Variants in PRKCB observed in about 807,000 individuals in gnomAD.
PRKCB encodes the protein protein kinase C beta type.
Under a neutral mutation model 81.5 loss-of-function variants are expected in PRKCB, and 13 were observed. The observed-to-expected ratio is 0.16, with a 90% confidence interval of 0.10 to 0.25. The LOEUF (loss-of-function observed/expected upper bound fraction) is 0.25, where lower values mean the gene tolerates loss of function less well. Among genes scored for constraint, PRKCB ranks in the 10% least tolerant of loss-of-function variants. The pLI, the probability that PRKCB is intolerant of heterozygous loss-of-function variation, is 1.00. For synonymous variants in PRKCB, 335 were observed against 321.4 expected (o/e 1.04, Z -0.45); for missense variants, 509 against 875.7 (o/e 0.58, Z 5.29).
At chr16:23,952,021 T>C (rs1457377569) in intron 2 of PRKCB, among the ~76,000 whole-genome samples, 3 of 152,160 alleles carry the variant, frequency 2.0e-5, no homozygotes, top group African/African-American at 7.2e-5. Context: ...TTCTTCTCTG[T>C]CTCTCTAGGG....
intron 8 of PRKCB, among the ~76,000 whole-genome samples, chr16:24,123,542 A>T (rs1183804198): frequency 6.6e-6 from 1 of 152,130 alleles, no homozygotes; most frequent in African/African-American, 2.4e-5. Flanking sequence ...CAGGTGAGAG[A>T]TGATGGCAGG....
chr16:24,006,055 ACCTCCCTT>A (rs1049641688), intron 3 of PRKCB, among the ~76,000 whole-genome samples: 7 of 151,952 alleles, frequency 4.6e-5, no homozygotes, highest in East Asian at 1.9e-4. Flanking sequence ...TACAGTCTCC[ACCTCCCTT>A]CCTCCCTTCC....
At chr16:24,059,897 A>G (rs2141876596) in intron 5 of PRKCB, among the ~76,000 whole-genome samples, 1 of 152,306 alleles carries the variant, frequency 6.6e-6, no homozygotes, top group Non-Finnish European at 1.5e-5. Context: ...TTTCAGTGGC[A>G]TAGTAGGAGT....
intron 5 of PRKCB, among the ~76,000 whole-genome samples, chr16:24,088,293 C>T (rs891353774): frequency 3.9e-5 from 6 of 152,174 alleles, no homozygotes; most frequent in South Asian, 2.1e-4. Context: ...CACAGCATTC[C>T]GTTGCACAGA....
intron 2 of PRKCB, among the ~76,000 whole-genome samples, chr16:23,905,352 C>T (rs979860476): frequency 6.6e-6 from 1 of 152,330 alleles, no homozygotes; most frequent in Middle Eastern, 3.4e-3. Flanking sequence ...TTACAACACA[C>T]AGTAGCTTGA....
chr16:24,121,359 T>C (rs1038976241), intron 8 of PRKCB, among the ~76,000 whole-genome samples: 1 of 152,194 alleles, frequency 6.6e-6, no homozygotes, highest in Non-Finnish European at 1.5e-5. Context: ...TAGCAGGTAC[T>C]CAACAAGAAT....
intron 9 of PRKCB, among the ~76,000 whole-genome samples, chr16:24,129,924 T>C (rs1390587904): frequency 6.6e-6 from 1 of 152,222 alleles, no homozygotes; most frequent in Non-Finnish European, 1.5e-5. Flanking sequence ...GTTGAAATGA[T>C]TGCATAATGA....
At chr16:24,086,056 C>A (rs1295801536) in intron 5 of PRKCB, among the ~76,000 whole-genome samples, 2 of 152,030 alleles carry the variant, frequency 1.3e-5, no homozygotes, top group Non-Finnish European at 2.9e-5. Flanking sequence ...GTAATCAGAG[C>A]CTATCAGGTG....
At chr16:23,999,291 A>G (rs1234144252) in intron 3 of PRKCB, among the ~76,000 whole-genome samples, 4 of 152,240 alleles carry the variant, frequency 2.6e-5, no homozygotes, top group Non-Finnish European at 5.9e-5. Context: ...ACAAGGCTCC[A>G]TCCACGATAA....
chr16:23,837,444 G>A (rs569130040), intron 2 of PRKCB, 38 bp downstream of exon 2: 2 of 1,593,144 alleles, frequency 1.3e-6, no homozygotes, highest in South Asian at 1.1e-5. Context: ...TTTGTGGGAA[G>A]AGAGGGTGAA....
chr16:24,086,539 C>A (rs1966312813), intron 5 of PRKCB, among the ~76,000 whole-genome samples: 1 of 152,120 alleles, frequency 6.6e-6, no homozygotes. Context: ...TAAGTATCAC[C>A]CTGCGGATCC....
chr16:23,871,456 C>A (rs770059298), intron 2 of PRKCB, among the ~76,000 whole-genome samples: 1 of 152,126 alleles, frequency 6.6e-6, no homozygotes, highest in Non-Finnish European at 1.5e-5. Context: ...TGTCTCTCTT[C>A]CCCAGGATCA....
At chr16:24,191,910 G>T (rs978418703) in intron 16 of PRKCB, among the ~76,000 whole-genome samples, 4 of 152,246 alleles carry the variant, frequency 2.6e-5, no homozygotes, top group African/African-American at 9.6e-5. Flanking sequence ...TCAGCAGGAA[G>T]TACTTGTCGG....
chr16:24,010,040 T>C (rs1001768615), intron 3 of PRKCB, among the ~76,000 whole-genome samples: 1 of 152,148 alleles, frequency 6.6e-6, no homozygotes, highest in Non-Finnish European at 1.5e-5. Flanking sequence ...GAGTAGACCA[T>C]CTCTTGTGTC....
chr16:24,049,868 C>G (rs1026798352), intron 5 of PRKCB, among the ~76,000 whole-genome samples: 1 of 152,158 alleles, frequency 6.6e-6, no homozygotes, highest in South Asian at 2.1e-4. Context: ...CTCAGGGAAT[C>G]AGAGTCACTA....
chr16:24,123,154 G>C (rs1214269122), intron 8 of PRKCB, among the ~76,000 whole-genome samples: 1 of 152,208 alleles, frequency 6.6e-6, no homozygotes, highest in Non-Finnish European at 1.5e-5. Context: ...ACCTAGTGCA[G>C]ACAGAGAGAA....
chr16:23,963,181 G>C (rs1567327615), intron 2 of PRKCB: 1 of 152,184 alleles, frequency 6.6e-6, no homozygotes, highest in Non-Finnish European at 1.5e-5. Context: ...CCTCTCCTGA[G>C]CTGTGAGCAC....
At chr16:24,163,767 T>C (rs1378069747) in intron 10 of PRKCB, among the ~76,000 whole-genome samples, 1 of 152,202 alleles carries the variant, frequency 6.6e-6, no homozygotes, top group Non-Finnish European at 1.5e-5. Flanking sequence ...TTGACATGCG[T>C]CATCTGATGT....
intron 5 of PRKCB, among the ~76,000 whole-genome samples, chr16:24,077,271 T>C (rs1966189820): frequency 6.6e-6 from 1 of 152,050 alleles, no homozygotes; most frequent in Admixed American, 6.6e-5. Flanking sequence ...GAGATATGGA[T>C]AGTTTGGTAA....
Sources: allele counts gnomAD v4.1 joint callset (sites outside exome capture counted in the v4.1 genomes callset), GRCh38; gene constraint gnomAD v4.1.1; transcripts MANE v1.5; gene names NCBI Gene and HGNC (gene_info 2026-07-23, HGNC 2026-07-21).